Variants in JAKMIP1 observed in about 807,000 individuals in gnomAD.
JAKMIP1 encodes the protein janus kinase and microtubule-interacting protein 1.
In JAKMIP1, 33 loss-of-function variants were observed where a neutral mutation model predicts 113.0. That is an observed-to-expected ratio of 0.29 (90% CI 0.22 to 0.39). The LOEUF (loss-of-function observed/expected upper bound fraction) is 0.39. JAKMIP1 is among the 10% of genes least tolerant of loss of function. The pLI, the probability that JAKMIP1 is intolerant of heterozygous loss-of-function variation, is 1.00. For missense variants in JAKMIP1, 813 were observed against 1,080.5 expected, an observed-to-expected ratio of 0.75 and a Z score of 3.47; for synonymous variants, 480 against 459.9, an observed-to-expected ratio of 1.04 and a Z score of -0.56.
Position 6,157,221 on chromosome 4 carries a change from C to T in JAKMIP1, c.-148+43032G>A, listed in dbSNP as rs771726268. On this transcript the variant is annotated intron_variant, in intron 1 of 20. Transcript: ENST00000409021. The surrounding 1 kb of genome is among the most constrained non-coding windows in gnomAD (Gnocchi z 4.7). ...TCCCAGCCTCCAGAACTGTAAGAAA[C>T]GCATTTATTTTCTTTATAAACTACC... Among the ~76,000 whole-genome samples the T allele has an allele frequency of 1.4e-4, 22 of 152,230 alleles. No individual in the cohort carries two copies. Among genetic ancestry groups the T allele is most frequent in the Non-Finnish European group, 2.4e-4 (16 of 68,012 alleles).
intron 1 of JAKMIP1, among the ~76,000 whole-genome samples, chr4:6,163,332 T>C (rs1723190473): frequency 6.6e-6 from 1 of 152,240 alleles, no homozygotes; most frequent in East Asian, 1.9e-4. Flanking sequence ...ATTTCAAACA[T>C]TTCCATTTTC....
intron 18 of JAKMIP1, among the ~76,000 whole-genome samples, chr4:6,037,683 C>T (rs1335610926): frequency 1.3e-4 from 18 of 140,020 alleles, no homozygotes; most frequent in African/African-American, 2.5e-4. Flanking sequence ...AGAGGCTAAC[C>T]GGTAGCCCTC....
At chr4:6,036,743 A>C (rs1713499049) in intron 18 of JAKMIP1, among the ~76,000 whole-genome samples, 1 of 152,238 alleles carries the variant, frequency 6.6e-6, no homozygotes, top group Non-Finnish European at 1.5e-5. Context: ...AAATGTAGCT[A>C]TCTTATGGCA....
chr4:6,191,746 T>C (rs1727277780), intron 1 of JAKMIP1, among the ~76,000 whole-genome samples: 2 of 152,256 alleles, frequency 1.3e-5, no homozygotes, highest in South Asian at 4.2e-4. Context: ...TTTCACAGTT[T>C]CACTAGCCAC....
intron 1 of JAKMIP1, among the ~76,000 whole-genome samples, chr4:6,151,585 T>C (rs1721576592): frequency 6.6e-6 from 1 of 152,132 alleles, no homozygotes. Context: ...ATGCCCCACC[T>C]AGTTGCACTC....
intron 3 of JAKMIP1, among the ~76,000 whole-genome samples, chr4:6,103,971 T>A (rs1001390863): frequency 2.6e-5 from 4 of 152,242 alleles, no homozygotes; most frequent in African/African-American, 9.6e-5. Context: ...CACTGCTTCT[T>A]GCTCTTTAAA....
In JAKMIP1 at chr4:6,121,569, G is replaced by A. The variant is rs544398403; in HGVS notation, c.-147-8572C>T. Among the ~76,000 whole-genome samples the A allele has an allele frequency of 1.2e-4, 18 of 152,334 alleles. No individual in the cohort carries two copies. In the South Asian group the frequency reaches 2.3e-3, roughly 19 times the overall value. ...ATGGGTATGCAGTAGAGAAGTGTAC[G>A]CCATCACAACAGACGTGCAGGCTGC... On this transcript the variant is annotated intron_variant, in intron 1 of 20. Coordinates refer to ENST00000409021, the MANE Select transcript of JAKMIP1 (RefSeq NM_001099433.2).
chr4:6,171,147 TCATCACCACCACCATCTC>T (rs1315254921), intron 1 of JAKMIP1, among the ~76,000 whole-genome samples: 15 of 123,160 alleles, frequency 1.2e-4, no homozygotes, highest in Non-Finnish European at 2.4e-4. Context: ...AGCACCACCA[TCATCACCACCACCATCTC>T]CATCACCATT....
intron 3 of JAKMIP1, among the ~76,000 whole-genome samples, chr4:6,090,086 G>A (rs1721829247): frequency 6.6e-6 from 1 of 152,136 alleles, no homozygotes; most frequent in South Asian, 2.1e-4. Flanking sequence ...GCCAGGTGAG[G>A]TGGTGCATGC....
rs536454477 is a variant in JAKMIP1, at chr4:6,042,666, G to A, written c.2029-439C>T. The stretch of plus-strand genomic sequence containing the variant: ...TTGCAGGTAAAGACATGGAGGCTGA[G>A]TTAAGTAACTTGTCCAAGGTCACAC... On this transcript the variant is annotated intron_variant, in intron 16 of 20. Coordinates refer to ENST00000409021, the MANE Select transcript of JAKMIP1 (RefSeq NM_001099433.2). The surrounding 1 kb of genome is among the most constrained non-coding windows in gnomAD (Gnocchi z 5.2). 3.9e-5 allele frequency among the ~76,000 whole-genome samples: 6 copies of A among 152,160 alleles called. No individual in the cohort carries two copies. The South Asian group carries it at 1.2e-3, about 32-fold the overall frequency.
rs375846526 is a variant in JAKMIP1, at chr4:6,184,615, C to T, written c.-148+15638G>A. On this transcript the variant is annotated intron_variant, in intron 1 of 20. Transcript: ENST00000409021. The surrounding 1 kb of genome is among the most constrained non-coding windows in gnomAD (Gnocchi z 4.5). ...TGCACTCTAGGAAACAAGGGTCCCC[C>T]GCGCTCACCTGTAGATTCAGCAAGA... Among the ~76,000 whole-genome samples, 153 of 152,308 alleles carry T rather than the reference C, an allele frequency of 1.0e-3. 2 individuals carry two copies. The highest frequency in any genetic ancestry group is 3.5e-3 in the South Asian group (17 of 4,824).
chr4:6,170,124 TCACCACCACCACCACTTCCATCACCAA>T (rs1724242005), intron 1 of JAKMIP1, among the ~76,000 whole-genome samples: 4 of 126,970 alleles, frequency 3.2e-5, no homozygotes, highest in African/African-American at 9.2e-5. Flanking sequence ...ATCATCACCA[TCACCACCACCACCACTTCCATCACCAA>T]CACCACCACC....
At position 6,176,531 on chromosome 4, in the gene JAKMIP1, C is replaced by T. The variant is rs189322948; in HGVS notation, c.-148+23722G>A. 2.0e-5 allele frequency among the ~76,000 whole-genome samples: 3 copies of T among 152,282 alleles called. No homozygotes were observed. Among genetic ancestry groups the T allele is most frequent in the Admixed American group, 1.3e-4 (2 of 15,298 alleles). ...GGACGGTTGTTCTGTAGAAACAAGA[C>T]GCAGCACTGTACCACATCACCCGGA... is the stretch of plus-strand genomic sequence containing the variant. On this transcript the variant is annotated intron_variant, in intron 1 of 20. Transcript: ENST00000409021. The surrounding 1 kb of genome is among the most constrained non-coding windows in gnomAD (Gnocchi z 5.5).
intron 17 of JAKMIP1, among the ~76,000 whole-genome samples, chr4:6,041,461 A>G (rs1342291928): frequency 6.6e-6 from 1 of 151,906 alleles, no homozygotes; most frequent in Non-Finnish European, 1.5e-5. Flanking sequence ...TTCTCCTCCC[A>G]TTTCCATTTC....
intron 8 of JAKMIP1, among the ~76,000 whole-genome samples, chr4:6,071,693 C>A (rs1279777321): frequency 6.6e-6 from 1 of 152,222 alleles, no homozygotes; most frequent in Non-Finnish European, 1.5e-5. Flanking sequence ...CTCTGCTCTA[C>A]CCACACCAGC....
chr4:6,098,676 GAAAGAA>G (rs1553832013), intron 3 of JAKMIP1, among the ~76,000 whole-genome samples: 2 of 6,440 alleles, frequency 3.1e-4, no homozygotes, highest in South Asian at 7.9e-3. Context: ...GAGAGAGAAA[GAAAGAA>G]AGAAAGAAAG....
chr4:6,172,749 C>G (rs145543621), intron 1 of JAKMIP1, among the ~76,000 whole-genome samples: 69 of 152,350 alleles, frequency 4.5e-4, no homozygotes, highest in African/African-American at 1.4e-3. Context: ...CCTGCAAGCT[C>G]AGCTCATGTG....
At chr4:6,043,965 G>A (rs1290465737) in intron 16 of JAKMIP1, among the ~76,000 whole-genome samples, 2 of 152,030 alleles carry the variant, frequency 1.3e-5, no homozygotes, top group Non-Finnish European at 2.9e-5. Context: ...ACTACACAGA[G>A]CTCCTCGAAC....
In JAKMIP1 at chr4:6,137,176, A is replaced by T. The variant is rs968634812; in HGVS notation, c.-147-24179T>A. Among the ~76,000 whole-genome samples the T allele has an allele frequency of 2.0e-5, 3 of 151,998 alleles. 1 individual carries two copies. Among genetic ancestry groups the T allele is most frequent in the Non-Finnish European group, 4.4e-5 (3 of 67,998 alleles). On this transcript the variant is annotated intron_variant, in intron 1 of 20. Transcript: ENST00000409021. The surrounding 1 kb of genome is among the most constrained non-coding windows in gnomAD (Gnocchi z 4.5). ...TCCCTTGCCTTGCAGAGCCTCCCCCATAGGGCTTGGAATCGAGCCACATGC... is the reference window on the plus strand; with the variant it reads ...TCCCTTGCCTTGCAGAGCCTCCCCCTTAGGGCTTGGAATCGAGCCACATGC...
Sources: gnomAD v4.1 joint callset for allele counts (sites outside exome capture counted in the v4.1 genomes callset) on GRCh38, gnomAD v4.1.1 for gene constraint, Gnocchi (gnomAD v3.1) non-coding constraint, MANE v1.5 for transcripts, NCBI Gene and HGNC (gene_info 2026-07-23, HGNC 2026-07-21) for gene names.